The following CRB1 variants were observed in gnomAD, a reference collection of about 807,000 sequenced individuals.
CRB1 encodes the protein protein crumbs homolog 1.
Under a neutral mutation model 120.0 loss-of-function variants are expected in CRB1, and 83 were observed. The ratio of observed to expected loss-of-function variants is 0.69; its 90% CI spans 0.58 to 0.83. CRB1 has a LOEUF of 0.83. CRB1 is among the 40% of genes least tolerant of loss of function. CRB1 has a pLI of 0.00. For synonymous variants in CRB1, 625 were observed against 612.5 expected (o/e 1.02, Z -0.30); for missense variants, 1,699 against 1,687.6 (o/e 1.01, Z -0.12).
At chr1:197,327,102 A>ACAAAC (rs113527124) in intron 1 of CRB1, among the ~76,000 whole-genome samples, 7 of 69,222 alleles carry the variant, frequency 1.0e-4, no homozygotes, top group Non-Finnish European at 1.7e-4. Flanking sequence ...AAAAAAAAAA[A>ACAAAC]AAAAAAAAAA....
chr1:197,239,957 A>G, the CRB1 span, among the ~76,000 whole-genome samples: 10 of 151,082 alleles, frequency 6.6e-5, no homozygotes, highest in African/African-American at 2.4e-4. Flanking sequence ...AATTTTGCCA[A>G]TTAGAATGAA....
intron 5 of CRB1, among the ~76,000 whole-genome samples, chr1:197,404,530 C>T (rs1663242883): frequency 6.6e-6 from 1 of 150,978 alleles, no homozygotes; most frequent in Admixed American, 6.6e-5. Flanking sequence ...TTGTTTCACA[C>T]TGGTTTTGTT....
chr1:197,265,533 A>G (rs1654613333), upstream of CRB1, among the ~76,000 whole-genome samples: 1 of 151,886 alleles, frequency 6.6e-6, no homozygotes, highest in South Asian at 2.1e-4. Context: ...TCACTTACAT[A>G]TTTCTATAAA....
rs1342348889 is a variant in CRB1, at chr1:197,438,568, A to T, written c.3771A>T (p.Thr1257=). The change falls in exon 10 of 12, where the codon ACA becomes ACT. Residue 1257 remains threonine, a synonymous_variant. Coordinates refer to ENST00000367400, the MANE Select transcript of CRB1 (RefSeq NM_201253.3). ...CTAGACAGAGCAGATTACCCTCAAC[A>T]GTCTGTGGGAATGAGAAGACAAATC... is the stretch of plus-strand genomic sequence containing the variant. The part of the protein sequence containing the change: ...KFCRQSRLPS[T]VCGNEKTNLT... 5.0e-6 allele frequency: 8 copies of T among 1,612,680 alleles called. No homozygotes were observed. The highest frequency in any genetic ancestry group is 5.9e-6 in the Non-Finnish European group (7 of 1,178,902).
chr1:197,371,821 T>C (rs1487543809), intron 5 of CRB1, among the ~76,000 whole-genome samples: 1 of 152,146 alleles, frequency 6.6e-6, no homozygotes, highest in Non-Finnish European at 1.5e-5. Flanking sequence ...GTAAGAAGCC[T>C]GCTCCTTGTC....
upstream of CRB1, among the ~76,000 whole-genome samples, chr1:197,264,265 T>C (rs929874540): frequency 2.6e-5 from 4 of 152,338 alleles, no homozygotes; most frequent in African/African-American, 9.6e-5. Context: ...CTTCAGATAA[T>C]AGCCTCCAGT....
At position 197,328,935 on chromosome 1, in the gene CRB1, G is replaced by T. The variant is rs764256655; in HGVS notation, c.584G>T (p.Cys195Phe). 4.7e-5 allele frequency: 76 copies of T among 1,614,092 alleles called. No homozygotes were observed. The highest frequency in any genetic ancestry group is 6.1e-5 in the Non-Finnish European group (72 of 1,180,058). ...GTGGATGAATGTGCTTCAGATCCCT[G>T]CAAGAACGAGGCTACATGCCTCAAT... ...LEVDECASDP[C>F]KNEATCLNEI... is the part of the protein sequence containing the mutation. The change falls in exon 2 of 12, where the codon TGC becomes TTC. Residue 195 changes from cysteine (C) to phenylalanine (F), a missense_variant. By Grantham distance (205) the Cys-to-Phe change is radical. Coordinates refer to ENST00000367400, the MANE Select transcript of CRB1 (RefSeq NM_201253.3).
At chr1:197,216,133 G>A in the CRB1 span, among the ~76,000 whole-genome samples, 1 of 152,076 alleles carries the variant, frequency 6.6e-6, no homozygotes, top group Non-Finnish European at 1.5e-5. Flanking sequence ...CCTCCAGTAT[G>A]TTACCACTTT....
At chr1:197,404,545 TC>T (rs1043830534) in intron 5 of CRB1, among the ~76,000 whole-genome samples, 58 of 152,288 alleles carry the variant, frequency 3.8e-4, no homozygotes, top group African/African-American at 1.2e-3. Context: ...TTTGTTTAAT[TC>T]AGCACCTTTG....
At chr1:197,208,674 T>G in the CRB1 span, among the ~76,000 whole-genome samples, 1 of 152,124 alleles carries the variant, frequency 6.6e-6, no homozygotes, top group Non-Finnish European at 1.5e-5. Context: ...ATGTTCTGGT[T>G]TTCTGTTGGT....
chr1:197,212,737 C>A, the CRB1 span, among the ~76,000 whole-genome samples: 1 of 152,190 alleles, frequency 6.6e-6, no homozygotes, highest in East Asian at 1.9e-4. Context: ...TAAATGTACA[C>A]AGAGTACTGT....
At chr1:197,326,305 C>G (rs1224525726) in intron 1 of CRB1, among the ~76,000 whole-genome samples, 1 of 152,102 alleles carries the variant, frequency 6.6e-6, no homozygotes, top group South Asian at 2.1e-4. Flanking sequence ...TTTGCTGAGC[C>G]AAGAATTTAA....
chr1:197,459,863 A>G (rs1313864067), intron 11 of CRB1, among the ~76,000 whole-genome samples: 1 of 152,088 alleles, frequency 6.6e-6, no homozygotes, highest in Non-Finnish European at 1.5e-5. Context: ...GTTTTTCCTG[A>G]GCAGATTTTT....
chr1:197,277,319 T>G (rs1486742664), intron 1 of CRB1, among the ~76,000 whole-genome samples: 1 of 151,990 alleles, frequency 6.6e-6, no homozygotes, highest in Non-Finnish European at 1.5e-5. Context: ...TGGATGACTC[T>G]TTTCTCTACA....
chr1:197,341,379 CAA>C (rs1436666347), intron 2 of CRB1, among the ~76,000 whole-genome samples: 1 of 151,946 alleles, frequency 6.6e-6, no homozygotes, highest in Admixed American at 6.6e-5. Context: ...CCCATCTCTA[CAA>C]AAAATACAAA....
At chr1:197,242,019 T>G in the CRB1 span, among the ~76,000 whole-genome samples, 1 of 152,182 alleles carries the variant, frequency 6.6e-6, no homozygotes, top group Admixed American at 6.5e-5. Flanking sequence ...GGAATGCTTG[T>G]GATTTTTGTA....
intron 5 of CRB1, among the ~76,000 whole-genome samples, chr1:197,383,687 C>T (rs894496466): frequency 2.0e-5 from 3 of 152,122 alleles, no homozygotes; most frequent in Admixed American, 1.3e-4. Context: ...CCATGAAGCT[C>T]GGAGTTTAGT....
Position 197,391,213 on chromosome 1 carries a change from TG to T in CRB1, c.1172-29785del, listed in dbSNP as rs141326066. Among the ~76,000 whole-genome samples the T allele has an allele frequency of 4.2e-3, 644 of 152,266 alleles. 4 individuals carry two copies. Among genetic ancestry groups the T allele is most frequent in the African/African-American group, 0.013 (561 of 41,576 alleles). ...TTCTGAAATTCCCTTAAGAGATTGC[TG>T]GAGTGAAAATAAATTTGTTTTTAGT... On this transcript the variant is annotated intron_variant, in intron 5 of 11. Transcript: ENST00000367400.
chr1:197,362,498 G>T (rs1237001667), intron 5 of CRB1, among the ~76,000 whole-genome samples: 1 of 151,990 alleles, frequency 6.6e-6, no homozygotes, highest in Non-Finnish European at 1.5e-5. Flanking sequence ...TTATGGATTT[G>T]TCTCTTTCTT....
Sources: gnomAD v4.1 joint callset for allele counts (sites outside exome capture counted in the v4.1 genomes callset) on GRCh38, gnomAD v4.1.1 for gene constraint, MANE v1.5 for transcripts, NCBI Gene and HGNC (gene_info 2026-07-23, HGNC 2026-07-21) for gene names.